RACGAP1: variants seen among roughly 807,000 people sequenced by gnomAD.
The protein encoded by RACGAP1 is rac GTPase-activating protein 1.
A neutral mutation model predicts 78.1 loss-of-function variants in RACGAP1; 30 were observed. The ratio of observed to expected loss-of-function variants is 0.38; its 90% CI spans 0.29 to 0.52. The LOEUF is 0.52. Among genes scored for constraint, RACGAP1 ranks in the 20% least tolerant of loss-of-function variants. RACGAP1 has a pLI of 0.82. For synonymous variants in RACGAP1, 231 were observed against 264.8 expected (o/e 0.87, Z 1.24); for missense variants, 587 against 777.1 (o/e 0.76, Z 2.91).
Position 49,991,480 on chromosome 12 carries a change from T to TATATATATATATATATATATA in RACGAP1, c.1714+517_1714+518insTATATATATATATATATATAT, listed in dbSNP as rs1555169073. Among the ~76,000 whole-genome samples, 90 of 13,156 alleles carry TATATATATATATATATATATA rather than the reference T, an allele frequency of 6.8e-3. 1 individual carries two copies. The highest frequency in any genetic ancestry group is 0.012 in the Non-Finnish European group (72 of 5,840). 8.6% of individuals were successfully genotyped at this position (13,156 alleles called of 152,430 possible). On this transcript the variant is annotated intron_variant, in intron 15 of 16. Transcript: ENST00000312377. ...TATTATATATATATATATATATATA[T>TATATATATATATATATATATA]TTTTTTTTTTTTTTTTTTTTTTTTT...
rs114525268 is a variant in RACGAP1, at chr12:50,002,153, G to A, written c.549+94C>T. 5.5e-4 allele frequency: 491 copies of A among 892,182 alleles called. 2 individuals are homozygous for A. In the African/African-American group the frequency reaches 6.7e-3, roughly 12 times the overall value. The allele number at this position is 892,182 out of a possible 1,614,324, so 55.3% of individuals were successfully genotyped here. On this transcript the variant is annotated intron_variant, in intron 6 of 16. Transcript: ENST00000312377. Reference sequence around the variant, plus strand: ...TAGTATGTGCTTAACAATGGCTAGAGCAACATGACAGGAATGCAGTATCAT... The same window carrying A: ...TAGTATGTGCTTAACAATGGCTAGAACAACATGACAGGAATGCAGTATCAT...
intron 1 of RACGAP1, among the ~76,000 whole-genome samples, chr12:50,032,152 AAAT>A (rs5798124): frequency 6.6e-6 from 1 of 151,196 alleles, no homozygotes; most frequent in Non-Finnish European, 1.5e-5. Context: ...TCTCAAAAAT[AAAT>A]AATAATAATA....
At chr12:50,017,071 A>G (rs915407332) in intron 1 of RACGAP1, 3 of 1,024,510 alleles carry the variant, frequency 2.9e-6, no homozygotes, top group African/African-American at 1.7e-5. Context: ...TTAATATAAT[A>G]ATTTTGCCAG....
chr12:50,020,564 T>A (rs1949954311), intron 1 of RACGAP1, among the ~76,000 whole-genome samples: 1 of 152,100 alleles, frequency 6.6e-6, no homozygotes, highest in South Asian at 2.1e-4. Context: ...AATGTCGAGT[T>A]CTCATTGAAA....
chr12:50,020,464 G>T (rs977529211), intron 1 of RACGAP1, among the ~76,000 whole-genome samples: 3 of 151,938 alleles, frequency 2.0e-5, no homozygotes, highest in African/African-American at 4.8e-5. Flanking sequence ...GATTACAGGC[G>T]TGAGCCACCA....
intron 6 of RACGAP1, 152 bp from the exon 7 acceptor site, chr12:50,001,404 C>T (rs1331017453): frequency 7.6e-6 from 4 of 525,536 alleles, no homozygotes; most frequent in Non-Finnish European, 1.0e-5. Context: ...TCTCTCTTTG[C>T]CTATTTCCAC....
chr12:50,028,873 G>C (rs998372974), upstream of RACGAP1, among the ~76,000 whole-genome samples: 4 of 151,650 alleles, frequency 2.6e-5, no homozygotes, highest in African/African-American at 7.3e-5. Flanking sequence ...CCTGAGGTCA[G>C]GAGTTCAAGA....
intron 2 of RACGAP1, among the ~76,000 whole-genome samples, chr12:50,015,787 G>A (rs1187832564): frequency 6.0e-5 from 9 of 150,716 alleles, no homozygotes; most frequent in African/African-American, 2.0e-4. Context: ...GGGTGACAGT[G>A]CAAGACTCCA....
intron 2 of RACGAP1, among the ~76,000 whole-genome samples, chr12:50,008,169 GAAAAAAAAAAA>G (rs71441313): frequency 4.0e-4 from 24 of 60,680 alleles, no homozygotes; most frequent in African/African-American, 1.4e-3. Flanking sequence ...TGAGAAATGT[GAAAAAAAAAAA>G]AAAAAAAAAA....
upstream of RACGAP1, chr12:50,025,528 C>T: frequency 1.0e-6 from 1 of 985,496 alleles, no homozygotes; most frequent in South Asian, 4.7e-5. Context: ...ATTTATTCCT[C>T]CCGCGCCGTC....
chr12:50,015,203 T>C (rs938088000), intron 2 of RACGAP1, among the ~76,000 whole-genome samples: 2 of 152,064 alleles, frequency 1.3e-5, no homozygotes, highest in Non-Finnish European at 2.9e-5. Flanking sequence ...GAGACAGTCT[T>C]GCTATGTTGC....
chr12:49,999,950 C>T (rs986020174), intron 7 of RACGAP1, among the ~76,000 whole-genome samples: 1 of 151,976 alleles, frequency 6.6e-6, no homozygotes, highest in African/African-American at 2.4e-5. Flanking sequence ...CTCCCAGGTT[C>T]AAGGCATTCT....
In RACGAP1 at chr12:49,992,056, G is replaced by A. The variant is rs141281478; in HGVS notation, c.1656C>T (p.Pro552=). Residue 552 remains proline, a synonymous_variant, in exon 15 of 17, where the codon CCC becomes CCT. Coordinates refer to ENST00000312377, the MANE Select transcript of RACGAP1 (RefSeq NM_001319999.2). ...CATTTGAGTTTTCAATGACATGTAG[G>A]GGGTCAATGTTCTCTTGCTCCACCA... ...FMMVEQENID[P]LHVIENSNAF... 121 of 1,614,090 alleles carry A rather than the reference G, an allele frequency of 7.5e-5. No individual in the cohort carries two copies. The African/African-American group carries it at 1.4e-3, about 19-fold the overall frequency.
chr12:50,025,785 C>T (rs1231375737), upstream of RACGAP1, among the ~76,000 whole-genome samples: 2 of 152,274 alleles, frequency 1.3e-5, no homozygotes, highest in East Asian at 1.9e-4. Flanking sequence ...GACTAGGGCC[C>T]TTGGAAACGA....
At chr12:49,993,818 A>G (rs12298110) in intron 12 of RACGAP1, among the ~76,000 whole-genome samples, 24,580 of 151,156 alleles carry the variant, frequency 0.16, 3,414 homozygotes, top group African/African-American at 0.38. Context: ...AGGCCGAGGC[A>G]GGCAAATCAC....
At chr12:50,008,890 G>A (rs562188535) in intron 2 of RACGAP1, among the ~76,000 whole-genome samples, 1 of 152,330 alleles carries the variant, frequency 6.6e-6, no homozygotes, top group South Asian at 2.1e-4. Context: ...CAATTTTGAT[G>A]TTGAAGACCA....
At chr12:50,028,001 C>T (rs149886367), upstream of RACGAP1, among the ~76,000 whole-genome samples, 42 of 152,236 alleles carry the variant, frequency 2.8e-4, no homozygotes, top group African/African-American at 1.0e-3. Flanking sequence ...AGGATGAGAC[C>T]ACACTAGGAA....
intron 2 of RACGAP1, among the ~76,000 whole-genome samples, chr12:50,008,790 G>A (rs978151509): frequency 2.6e-5 from 4 of 152,110 alleles, no homozygotes; most frequent in African/African-American, 9.7e-5. Context: ...ACCATGCCCG[G>A]CCGAAAGATA....
chr12:50,016,955 C>G lies in RACGAP1; in HGVS notation c.-4-236G>C. On this transcript the variant is annotated intron_variant, in intron 1 of 16. Transcript: ENST00000312377. ...CATTTCAGACCTTTGAATATAACAG[C>G]CCCTCCAATCACTTGGAGCAGAAAA... 3 of 1,267,434 alleles carry G rather than the reference C, an allele frequency of 2.4e-6. 1 individual carries two copies. The South Asian group carries it at 7.5e-5, about 31-fold the overall frequency. The allele number at this position is 1,267,434 out of a possible 1,614,324, so 78.5% of individuals were successfully genotyped here. A position where few individuals can be genotyped will look rare whatever the true frequency, so the allele number is the denominator to read the frequency against.
Sources: allele counts gnomAD v4.1 joint callset (sites outside exome capture counted in the v4.1 genomes callset), GRCh38; gene constraint gnomAD v4.1.1; transcripts MANE v1.5; gene names NCBI Gene and HGNC (gene_info 2026-07-23, HGNC 2026-07-21).